BLK: variants seen among roughly 807,000 people sequenced by gnomAD.
The protein encoded by BLK is BLK proto-oncogene, Src family tyrosine kinase.
In BLK, 64 loss-of-function variants were observed where a neutral mutation model predicts 61.8. That is an observed-to-expected ratio of 1.03 (90% CI 0.85 to 1.27). The LOEUF is 1.27. Ranked by LOEUF, BLK falls within the 50% of genes most tolerant of loss-of-function variation. The pLI is 0.00. For synonymous variants in BLK, 351 were observed against 272.0 expected (o/e 1.29, Z -2.86); for missense variants, 853 against 660.5 (o/e 1.29, Z -3.19).
At chr8:11,561,702 T>G (rs1321168406) in intron 11 of BLK, among the ~76,000 whole-genome samples, 1 of 152,174 alleles carries the variant, frequency 6.6e-6, no homozygotes, top group Non-Finnish European at 1.5e-5. Flanking sequence ...TCCACCCTAC[T>G]CCCTGTCTTG....
At chr8:11,546,265 C>T (rs1800637333) in intron 3 of BLK, among the ~76,000 whole-genome samples, 162 bp downstream of exon 3, 1 of 152,140 alleles carries the variant, frequency 6.6e-6, no homozygotes, top group Non-Finnish European at 1.5e-5. Context: ...TGGGGCGTCT[C>T]TTCAGGAACC....
intron 1 of BLK, among the ~76,000 whole-genome samples, chr8:11,532,072 T>A (rs1799908013): frequency 2.0e-5 from 3 of 152,182 alleles, no homozygotes; most frequent in African/African-American, 7.2e-5. Flanking sequence ...TTGGCCAGGC[T>A]GGTCTCAAAC....
At chr8:11,555,538 T>G (rs1445413328) in intron 8 of BLK, 54 bp downstream of exon 8, 18 of 1,611,976 alleles carry the variant, frequency 1.1e-5, no homozygotes, top group Non-Finnish European at 1.4e-5. Context: ...CTGCGCCGCA[T>G]CCTGAGTCCA....
At chr8:11,521,990 T>C (rs1392927809) in intron 1 of BLK, among the ~76,000 whole-genome samples, 1 of 152,216 alleles carries the variant, frequency 6.6e-6, no homozygotes, top group Non-Finnish European at 1.5e-5. Context: ...TGGAAACACA[T>C]TTGATTTTTA....
intron 1 of BLK, among the ~76,000 whole-genome samples, chr8:11,531,444 G>C (rs1214031132): frequency 1.3e-5 from 2 of 152,054 alleles, no homozygotes; most frequent in African/African-American, 4.8e-5. Context: ...GTGACACCAA[G>C]GTCACAAAGA....
At chr8:11,539,159 T>C (rs181422420) in intron 1 of BLK, among the ~76,000 whole-genome samples, 421 of 152,226 alleles carry the variant, frequency 2.8e-3, no homozygotes, top group Non-Finnish European at 4.1e-3. Context: ...GTAAACAACT[T>C]GGTGTTCATC....
chr8:11,551,111 T>C (rs1045294450), intron 6 of BLK, among the ~76,000 whole-genome samples: 2 of 152,180 alleles, frequency 1.3e-5, no homozygotes, highest in African/African-American at 2.4e-5. Flanking sequence ...GTCTGTTTTT[T>C]CAGCTTGATG....
At chr8:11,546,187 C>T in intron 3 of BLK, 84 bp downstream of exon 3, 1 of 1,513,860 alleles carries the variant, frequency 6.6e-7, no homozygotes, top group Non-Finnish European at 9.2e-7. Flanking sequence ...AAGGTTGAGT[C>T]AGGAGCAGCT....
chr8:11,545,360 C>G (rs1800583461), intron 2 of BLK, among the ~76,000 whole-genome samples: 1 of 152,134 alleles, frequency 6.6e-6, no homozygotes, highest in Non-Finnish European at 1.5e-5. Context: ...ATCAGCCTGG[C>G]CAACATGGCG....
rs570664605 is a variant in BLK at position 11,514,497 on chromosome 8, C to A, written c.-2+19906C>A. Among the ~76,000 whole-genome samples, 72 of 152,310 alleles carry A rather than the reference C, an allele frequency of 4.7e-4. 1 individual carries two copies. The highest frequency in any genetic ancestry group is 2.9e-3 in the South Asian group (14 of 4,826). ...GCCTTGTAAGAGCACAGTGGAGGAC[C>A]CTTCTTGCACGCTGAGCTCTGAGCA... On this transcript the variant is annotated intron_variant, in intron 1 of 12. Transcript: ENST00000259089.
At chr8:11,531,927 C>A (rs1275459587) in intron 1 of BLK, among the ~76,000 whole-genome samples, 1 of 150,900 alleles carries the variant, frequency 6.6e-6, no homozygotes, top group Non-Finnish European at 1.5e-5. Flanking sequence ...GGCACCATCT[C>A]GGCTCACTGC....
chr8:11,549,893 A>C, intron 5 of BLK: 1 of 488,316 alleles, frequency 2.0e-6, no homozygotes, highest in Non-Finnish European at 3.8e-6. Context: ...TCCAAAGCAA[A>C]ATTAACAAAG....
chr8:11,543,437 G>A, intron 2 of BLK, 90 bp downstream of exon 2: 1 of 1,540,782 alleles, frequency 6.5e-7, no homozygotes, highest in Non-Finnish European at 8.8e-7. Flanking sequence ...TAGCAAAAGT[G>A]CCTTCCTGAT....
intron 1 of BLK, among the ~76,000 whole-genome samples, chr8:11,521,870 G>GT (rs1321233647): frequency 6.6e-6 from 1 of 151,460 alleles, no homozygotes; most frequent in African/African-American, 2.4e-5. Flanking sequence ...CTCTATCTTG[G>GT]TTTTTTTTCT....
At chr8:11,525,976 T>C (rs1010542580) in intron 1 of BLK, among the ~76,000 whole-genome samples, 3 of 152,184 alleles carry the variant, frequency 2.0e-5, no homozygotes, top group Non-Finnish European at 2.9e-5. Flanking sequence ...TTTCACCATG[T>C]TGCCCAGGCT....
intron 10 of BLK, 39 bp from the exon 11 acceptor site, chr8:11,561,263 G>A: frequency 1.2e-6 from 2 of 1,601,280 alleles, no homozygotes; most frequent in Admixed American, 1.7e-5. Context: ...TGGCGTGGAG[G>A]CCCCCAGGCT....
At chr8:11,561,764 A>G (rs1801514635) in intron 11 of BLK, among the ~76,000 whole-genome samples, 1 of 152,178 alleles carries the variant, frequency 6.6e-6, no homozygotes, top group Non-Finnish European at 1.5e-5. Context: ...GTCCTGCAGC[A>G]AAGAAACAGT....
chr8:11,557,253 C>T (rs1263139634), intron 9 of BLK, among the ~76,000 whole-genome samples: 2 of 152,166 alleles, frequency 1.3e-5, no homozygotes, highest in Non-Finnish European at 2.9e-5. Flanking sequence ...CAAGGATGGC[C>T]AGAGAGGTTG....
In BLK at chr8:11,519,756, C is replaced by A. The variant is rs977779034; in HGVS notation, c.-1-23468C>A. Among the ~76,000 whole-genome samples the A allele has an allele frequency of 2.6e-5, 4 of 152,284 alleles. No individual in the cohort carries two copies. In the South Asian group the frequency reaches 8.3e-4, roughly 32 times the overall value. On this transcript the variant is annotated intron_variant, in intron 1 of 12. Transcript: ENST00000259089. ...TGACAAATATGGCGTAGTTTGTAAA[C>A]TGTAATGTGAGGATTTGAATCCAGA...
Sources: gnomAD v4.1 joint callset for allele counts (sites outside exome capture counted in the v4.1 genomes callset) on GRCh38, gnomAD v4.1.1 for gene constraint, MANE v1.5 for transcripts, NCBI Gene and HGNC (gene_info 2026-07-23, HGNC 2026-07-21) for gene names.